OOEP: variants seen among roughly 807,000 people sequenced by gnomAD.
OOEP encodes oocyte expressed protein.
A neutral mutation model predicts 13.7 loss-of-function variants in OOEP; 16 were observed. The observed-to-expected ratio is 1.16, with a 90% CI of 0.79 to 1.77. The LOEUF (loss-of-function observed/expected upper bound fraction) is 1.77. Ranked by LOEUF, OOEP falls within the 40% of genes most tolerant of loss-of-function variation. OOEP has a pLI of 0.00. For missense variants in OOEP, 195 were observed against 193.1 expected, an observed-to-expected ratio of 1.01 and a Z score of -0.06; for synonymous variants, 89 against 77.1, an observed-to-expected ratio of 1.15 and a Z score of -0.81.
intron 2 of OOEP, chr6:73,391,280 T>A (rs1281031889): frequency 6.6e-6 from 1 of 152,604 alleles, no homozygotes; most frequent in East Asian, 1.9e-4. Flanking sequence ...GTGTGTCTTA[T>A]CTTTGTTATA....
intron 1 of OOEP, 75 bp downstream of exon 1, chr6:73,369,528 C>G: frequency 6.5e-7 from 1 of 1,530,410 alleles, no homozygotes; most frequent in Non-Finnish European, 9.0e-7. Flanking sequence ...GGGAAAGAGA[C>G]TGTAGAGAGC....
chr6:73,394,621 G>C, intron 1 of OOEP: 1 of 326,118 alleles, frequency 3.1e-6, no homozygotes, highest in Non-Finnish European at 5.8e-6. Flanking sequence ...CACAGTGGGG[G>C]GGTGGGGGGC....
At chr6:73,371,519 C>T (rs771874454), upstream of OOEP, among the ~76,000 whole-genome samples, 9 of 151,970 alleles carry the variant, frequency 5.9e-5, no homozygotes, top group Non-Finnish European at 7.4e-5. Context: ...GAGGCTGAGG[C>T]GGGCAGATCA....
chr6:73,394,413 C>A, exon 2 of OOEP: 2 of 712,984 alleles, frequency 2.8e-6, no homozygotes, highest in Non-Finnish European at 2.6e-6. Context: ...CTTTGGGAGG[C>A]CGAGGCTGGA....
At chr6:73,377,385 CTTTA>C (rs1410400066) in intron 2 of OOEP, among the ~76,000 whole-genome samples, 4 of 152,118 alleles carry the variant, frequency 2.6e-5, no homozygotes, top group Non-Finnish European at 5.9e-5. Flanking sequence ...TCTGGGACGG[CTTTA>C]TTATCTGCCT....
chr6:73,392,963 T>A (rs1769369862), intron 2 of OOEP, among the ~76,000 whole-genome samples: 1 of 151,888 alleles, frequency 6.6e-6, no homozygotes, highest in Non-Finnish European at 1.5e-5. Flanking sequence ...AGATGGGGTT[T>A]CACCATGTTG....
chr6:73,369,771 C>T lies in OOEP; in HGVS notation c.22G>A (p.Ala8Thr), dbSNP rs202009078. ...GTCTGTTTGCCCCGCTGGGACTCAG[C>T]GGCACCAGCATCATCGACCATACTG... MVDDAGAAESQRGKQTPA... is the reference protein window; with the variant it reads MVDDAGATESQRGKQTPA... Residue 8 changes from alanine to threonine, a missense_variant, in exon 1 of 3, where the codon GCT (alanine) becomes ACT (threonine). Coordinates refer to ENST00000370359, the MANE Select transcript of OOEP (RefSeq NM_001080507.3). 3.3e-4 allele frequency: 532 copies of T among 1,613,616 alleles called. No homozygotes were observed. Among genetic ancestry groups the T allele is most frequent in the Non-Finnish European group, 3.8e-4 (451 of 1,179,758 alleles).
intron 2 of OOEP, among the ~76,000 whole-genome samples, chr6:73,383,253 G>A (rs1769232098): frequency 6.6e-6 from 1 of 152,192 alleles, no homozygotes. Flanking sequence ...TCAAGTAGTT[G>A]GCAAAATCAT....
exon 1 of OOEP, chr6:73,394,773 G>A (rs185124606): frequency 8.6e-6 from 11 of 1,278,038 alleles, no homozygotes; most frequent in Admixed American, 8.4e-5. Context: ...GAGCGTGGGC[G>A]GGGGGGCTAG....
At chr6:73,394,483 C>A in exon 2 of OOEP, 1 of 652,694 alleles carries the variant, frequency 1.5e-6, no homozygotes, top group Non-Finnish European at 2.7e-6. Context: ...CGGCGACACC[C>A]CGTCTCTATT....
chr6:73,369,206 C>A lies in OOEP; in HGVS notation c.370G>T (p.Ala124Ser). 6.2e-7 allele frequency: 1 copy of A among 1,608,602 alleles called. No homozygotes were observed. The highest frequency in any genetic ancestry group is 2.2e-5 in the East Asian group (1 of 44,830). ...CATGCAGGTTCTCAAAGACCCTCAC[C>A]TCGGGCACGATGTTCTCGGTGAAAC... Reference protein sequence around the residue: ...AWFHREHRARAEKMKHLEKNL... With the variant: ...AWFHREHRARSEKMKHLEKNL... The change falls in exon 2 of 3, where the codon GCT becomes TCT. Residue 124 changes from alanine (A) to serine (S), a missense_variant and splice_region_variant. Physicochemically the swap from Ala to Ser is moderately conservative, Grantham distance 99 (BLOSUM62 1). Coordinates refer to ENST00000370359, the MANE Select transcript of OOEP (RefSeq NM_001080507.3).
In OOEP at chr6:73,369,816, G is replaced by C; in HGVS notation, c.-24C>G. The C allele has an allele frequency of 6.3e-7, 1 of 1,599,796 alleles. No individual in the cohort carries two copies. Among genetic ancestry groups the C allele is most frequent in the South Asian group, 1.1e-5 (1 of 90,544 alleles). ...ATACTGGGACCAGCAGCCGCGGAGCGCGCTCGAGGCGGCTTTCGCAAGACC... is the reference window on the plus strand; with the variant it reads ...ATACTGGGACCAGCAGCCGCGGAGCCCGCTCGAGGCGGCTTTCGCAAGACC... On this transcript the variant is annotated 5_prime_UTR_variant, in exon 1 of 3. Coordinates refer to ENST00000370359, the MANE Select transcript of OOEP (RefSeq NM_001080507.3).
At position 73,368,626 on chromosome 6, in the gene OOEP, A is replaced by G. The variant is rs1165255946; in HGVS notation, c.*158T>C. On this transcript the variant is annotated 3_prime_UTR_variant, in exon 3 of 3. Transcript: ENST00000370359. ...TTGGCAAAATAGCCATTTCTTTATT[A>G]GAATAGTTCAAACTCACTCTTGCAA... The G allele has an allele frequency of 1.7e-6, 1 of 584,536 alleles. No homozygotes were observed. Among genetic ancestry groups the G allele is most frequent in the Non-Finnish European group, 3.0e-6 (1 of 329,058 alleles). 36.2% of individuals were successfully genotyped at this position (584,536 alleles called of 1,614,324 possible).
chr6:73,383,276 A>G (rs1044378354), intron 2 of OOEP, among the ~76,000 whole-genome samples: 6 of 152,224 alleles, frequency 3.9e-5, no homozygotes, highest in African/African-American at 1.2e-4. Context: ...AGGAGCCAGG[A>G]GACATAGCCT....
At chr6:73,372,238 C>T (rs150914221), upstream of OOEP, among the ~76,000 whole-genome samples, 11 of 152,270 alleles carry the variant, frequency 7.2e-5, no homozygotes, top group Non-Finnish European at 1.3e-4. Context: ...ATCTGAGCCA[C>T]ACAGGAATAA....
In OOEP at chr6:73,394,759, T is replaced by C. The variant is rs1032079264; in HGVS notation, c.-159A>G. ...TGAAATCAGTGCGAAGTGGGCGGGATAGAGAGCGTGGGCGGGGGGGCTAGC... is the reference window on the plus strand; with the variant it reads ...TGAAATCAGTGCGAAGTGGGCGGGACAGAGAGCGTGGGCGGGGGGGCTAGC... On this transcript the variant is annotated 5_prime_UTR_variant, in exon 1 of 4. Coordinates refer to the OOEP transcript ENST00000370363. The C allele has an allele frequency of 2.8e-5, 33 of 1,163,982 alleles. No individual in the cohort carries two copies. In the African/African-American group the frequency reaches 4.2e-4, roughly 15 times the overall value. The allele number at this position is 1,163,982 out of a possible 1,614,324, so 72.1% of individuals were successfully genotyped here.
upstream of OOEP, chr6:73,395,139 T>C (rs751816531): frequency 1.7e-5 from 28 of 1,613,106 alleles, no homozygotes; most frequent in Admixed American, 5.0e-5. Context: ...AGAGCCACTT[T>C]GTTGGCGCGG....
chr6:73,394,776 G>GA, exon 1 of OOEP: 1 of 1,354,546 alleles, frequency 7.4e-7, no homozygotes. Flanking sequence ...CGTGGGCGGG[G>GA]GGGCTAGCCT....
At chr6:73,375,422 T>C (rs1769123930) in intron 2 of OOEP, among the ~76,000 whole-genome samples, 1 of 151,740 alleles carries the variant, frequency 6.6e-6, no homozygotes, top group Non-Finnish European at 1.5e-5. Context: ...TACAAAAAAA[T>C]TAAAAATTAA....
Sources: gnomAD v4.1 joint callset for allele counts (sites outside exome capture counted in the v4.1 genomes callset) on GRCh38, gnomAD v4.1.1 for gene constraint, MANE v1.5 for transcripts, NCBI Gene and HGNC (gene_info 2026-07-23, HGNC 2026-07-21) for gene names.